The following HUNK variants were observed in gnomAD, a reference collection of about 807,000 sequenced individuals.
HUNK encodes the protein hormonally up-regulated Neu-associated kinase.
HUNK carries 21 observed loss-of-function variants against 61.0 expected under a neutral mutation model. That is an observed-to-expected ratio of 0.34 (90% CI 0.24 to 0.50). The LOEUF is 0.50. Ranked by LOEUF, HUNK falls within the 20% of genes least tolerant of loss-of-function variation. The probability of loss-of-function intolerance (pLI) is 0.98; values close to 1 mark genes in which losing one functional copy is unlikely to be tolerated. For synonymous variants in HUNK, 371 were observed against 386.1 expected (o/e 0.96, Z 0.46); for missense variants, 772 against 945.7 (o/e 0.82, Z 2.41).
intron 5 of HUNK, among the ~76,000 whole-genome samples, chr21:31,961,983 A>G (rs982519604): frequency 2.6e-5 from 4 of 152,226 alleles, no homozygotes; most frequent in African/African-American, 9.6e-5. Flanking sequence ...GCTACATCTC[A>G]GTTGAGAGCT....
intron 5 of HUNK, among the ~76,000 whole-genome samples, chr21:31,966,134 C>G (rs750076082): frequency 8.5e-5 from 13 of 152,134 alleles, no homozygotes; most frequent in Non-Finnish European, 1.5e-4. Context: ...AGCTTAGCTC[C>G]CACTTACGAG....
intron 10 of HUNK, among the ~76,000 whole-genome samples, chr21:31,997,486 TA>T (rs1455496390): frequency 6.6e-6 from 1 of 152,210 alleles, no homozygotes; most frequent in African/African-American, 2.4e-5. Flanking sequence ...CGCCAGTCCC[TA>T]AAGGCGGATA....
chr21:31,926,890 T>C (rs2052664038), intron 2 of HUNK, among the ~76,000 whole-genome samples: 1 of 152,168 alleles, frequency 6.6e-6, no homozygotes, highest in South Asian at 2.1e-4. Flanking sequence ...AAATTCAACA[T>C]TTAATGATAA....
At chr21:31,930,955 T>C (rs2052692018) in intron 2 of HUNK, among the ~76,000 whole-genome samples, 1 of 151,418 alleles carries the variant, frequency 6.6e-6, no homozygotes, top group Non-Finnish European at 1.5e-5. Flanking sequence ...ATAAATCAGG[T>C]TCATGGATGA....
chr21:31,899,855 A>C (rs1195391013), intron 1 of HUNK, among the ~76,000 whole-genome samples: 1 of 151,152 alleles, frequency 6.6e-6, no homozygotes, highest in Admixed American at 6.6e-5. Context: ...TTGGCTCACT[A>C]CAACCTCTGC....
chr21:31,879,134 T>G (rs1450477079), intron 1 of HUNK, among the ~76,000 whole-genome samples: 2 of 152,176 alleles, frequency 1.3e-5, no homozygotes, highest in Non-Finnish European at 2.9e-5. Context: ...TATGACTAAT[T>G]TTAGAGGTGG....
intron 5 of HUNK, among the ~76,000 whole-genome samples, chr21:31,962,308 G>A (rs540885634): frequency 1.3e-5 from 2 of 152,328 alleles, no homozygotes; most frequent in East Asian, 1.9e-4. Context: ...GCAGACAAGC[G>A]CAGGTAGGTT....
At chr21:31,907,575 T>G (rs1221049355) in intron 1 of HUNK, among the ~76,000 whole-genome samples, 3 of 152,100 alleles carry the variant, frequency 2.0e-5, no homozygotes, top group African/African-American at 7.2e-5. Context: ...TGGGGACCAT[T>G]GATGAGTTGG....
At chr21:31,898,967 A>T (rs2052444444) in intron 1 of HUNK, among the ~76,000 whole-genome samples, 1 of 152,150 alleles carries the variant, frequency 6.6e-6, no homozygotes, top group South Asian at 2.1e-4. Flanking sequence ...CGTTACAAAC[A>T]CTTGTAATGT....
chr21:31,965,726 C>T (rs189939835), intron 5 of HUNK, among the ~76,000 whole-genome samples: 2 of 151,714 alleles, frequency 1.3e-5, no homozygotes, highest in Admixed American at 6.6e-5. Context: ...CTCCGCCTCC[C>T]GAGTAGCTGG....
intron 4 of HUNK, among the ~76,000 whole-genome samples, chr21:31,951,075 G>A (rs557451405): frequency 6.6e-6 from 1 of 151,900 alleles, no homozygotes; most frequent in African/African-American, 2.4e-5. Flanking sequence ...GCGCTTTCTT[G>A]GGGGTTTGTA....
chr21:31,958,628 C>T (rs533114822), intron 4 of HUNK, among the ~76,000 whole-genome samples: 3 of 152,240 alleles, frequency 2.0e-5, no homozygotes, highest in Admixed American at 6.5e-5. Context: ...GATCCACCTC[C>T]CAAAGTGCTG....
chr21:31,917,801 C>A (rs2052596026), intron 1 of HUNK, among the ~76,000 whole-genome samples: 1 of 150,428 alleles, frequency 6.6e-6, no homozygotes, highest in Non-Finnish European at 1.5e-5. Context: ...TGGCTGGGGG[C>A]CTCATCCTTA....
chr21:31,927,993 G>C (rs548168406), intron 2 of HUNK, among the ~76,000 whole-genome samples: 139 of 152,370 alleles, frequency 9.1e-4, no homozygotes, highest in African/African-American at 3.2e-3. Context: ...GAAATGGTAA[G>C]TGAATCACGC....
At chr21:31,957,611 T>A (rs964539038) in intron 4 of HUNK, among the ~76,000 whole-genome samples, 3 of 152,198 alleles carry the variant, frequency 2.0e-5, no homozygotes, top group African/African-American at 7.2e-5. Context: ...TTGAGACCTC[T>A]TGGTAGGCAG....
chr21:31,930,691 T>C (rs914783994), intron 2 of HUNK, among the ~76,000 whole-genome samples: 4 of 152,222 alleles, frequency 2.6e-5, no homozygotes, highest in Non-Finnish European at 4.4e-5. Context: ...GAAGGAAAAT[T>C]GAATGAATAC....
chr21:31,967,225 C>G (rs2123848261), intron 5 of HUNK, among the ~76,000 whole-genome samples: 1 of 152,168 alleles, frequency 6.6e-6, no homozygotes, highest in South Asian at 2.1e-4. Flanking sequence ...ACGGTGCATG[C>G]CTGTAGTCTC....
At chr21:31,964,323 G>C (rs905800384) in intron 5 of HUNK, among the ~76,000 whole-genome samples, 3 of 152,136 alleles carry the variant, frequency 2.0e-5, no homozygotes, top group Non-Finnish European at 1.5e-5. Flanking sequence ...GTGGGGAGGG[G>C]TCTCTATTTG....
At position 31,992,551 on chromosome 21, in the gene HUNK, C is replaced by T. The variant is rs191322430; in HGVS notation, c.1305+2375C>T. 6.1e-4 allele frequency among the ~76,000 whole-genome samples: 93 copies of T among 152,312 alleles called. 1 individual carries two copies. The highest frequency in any genetic ancestry group is 2.1e-3 in the African/African-American group (88 of 41,576). On this transcript the variant is annotated intron_variant, in intron 9 of 10. Transcript: ENST00000270112. ...CATGAAGGTGCGAGAGGGCGGGCTTCGAACCGAGAGCTTGAATTCCATCGC... is the reference window on the plus strand; with the variant it reads ...CATGAAGGTGCGAGAGGGCGGGCTTTGAACCGAGAGCTTGAATTCCATCGC...
Sources: allele counts gnomAD v4.1 joint callset (sites outside exome capture counted in the v4.1 genomes callset), GRCh38; gene constraint gnomAD v4.1.1; transcripts MANE v1.5; gene names NCBI Gene and HGNC (gene_info 2026-07-23, HGNC 2026-07-21).